Variants in C5orf46 observed in about 807,000 individuals in gnomAD.
C5orf46 encodes chromosome 5 open reading frame 46.
C5orf46 carries 9 observed loss-of-function variants against 8.9 expected under a neutral mutation model. That is an observed-to-expected ratio of 1.01 (90% CI 0.61 to 1.76). The LOEUF is 1.76. Ranked by LOEUF, C5orf46 falls within the 40% of genes most tolerant of loss-of-function variation. C5orf46 has a pLI of 0.00. For missense variants in C5orf46, 98 were observed against 107.8 expected, an observed-to-expected ratio of 0.91 and a Z score of 0.40; for synonymous variants, 47 against 41.4, an observed-to-expected ratio of 1.14 and a Z score of -0.52.
downstream of C5orf46, among the ~76,000 whole-genome samples, chr5:147,888,533 C>T (rs1422183948): frequency 1.3e-5 from 2 of 152,196 alleles, no homozygotes; most frequent in Admixed American, 1.3e-4. Context: ...AAATGCCATT[C>T]ACTCAACTAT....
At chr5:147,905,730 C>G (rs1375665629) in intron 1 of C5orf46, among the ~76,000 whole-genome samples, 1 of 152,148 alleles carries the variant, frequency 6.6e-6, no homozygotes, top group Non-Finnish European at 1.5e-5. Context: ...AATCTAGGAA[C>G]CTAGGTTTCA....
At position 147,903,007 on chromosome 5, in the gene C5orf46, A is replaced by T. The variant is rs115897446; in HGVS notation, c.71-1234T>A. Among the ~76,000 whole-genome samples, 545 of 152,256 alleles carry T rather than the reference A, an allele frequency of 3.6e-3. 4 individuals are homozygous for T. The highest frequency in any genetic ancestry group is 0.013 in the African/African-American group (528 of 41,540). On this transcript the variant is annotated intron_variant, in intron 1 of 3. Transcript: ENST00000318315. The stretch of plus-strand genomic sequence containing the variant: ...AGATGATAACTGCAGGCCTCTTAAC[A>T]CTAGATTCTTAAGGGCCCATTGGAA...
chr5:147,898,959 G>A (rs540121558), intron 2 of C5orf46, among the ~76,000 whole-genome samples: 1 of 152,050 alleles, frequency 6.6e-6, no homozygotes, highest in Non-Finnish European at 1.5e-5. Flanking sequence ...ACACCACTTA[G>A]GCATCAGACA....
chr5:147,885,970 C>T (rs1010472964), intron 2 of C5orf46: 1 of 152,056 alleles, frequency 6.6e-6, no homozygotes, highest in Non-Finnish European at 1.5e-5. Flanking sequence ...TTTTGGACAT[C>T]TTTGTAAAGA....
chr5:147,901,044 T>G (rs1223127569), intron 2 of C5orf46, among the ~76,000 whole-genome samples: 1 of 152,196 alleles, frequency 6.6e-6, no homozygotes, highest in Non-Finnish European at 1.5e-5. Context: ...ACACTCATGT[T>G]GAGAGGTTCT....
At chr5:147,889,868 G>C (rs989209156), downstream of C5orf46, among the ~76,000 whole-genome samples, 3 of 152,150 alleles carry the variant, frequency 2.0e-5, no homozygotes, top group African/African-American at 4.8e-5. Context: ...GCAGGACCAA[G>C]CATGGAAGGT....
downstream of C5orf46, among the ~76,000 whole-genome samples, chr5:147,890,096 C>T (rs887141725): frequency 2.0e-5 from 3 of 152,094 alleles, no homozygotes; most frequent in Non-Finnish European, 2.9e-5. Flanking sequence ...TCCGGATTTC[C>T]GAGGGAGCAT....
chr5:147,893,840 G>A (rs1757541138), intron 3 of C5orf46, among the ~76,000 whole-genome samples: 1 of 151,998 alleles, frequency 6.6e-6, no homozygotes, highest in African/African-American at 2.4e-5. Flanking sequence ...ATGGCATGAG[G>A]CACTATGCCC....
intron 2 of C5orf46, among the ~76,000 whole-genome samples, chr5:147,899,686 G>A (rs566311043): frequency 6.6e-6 from 1 of 152,226 alleles, no homozygotes; most frequent in East Asian, 1.9e-4. Context: ...ACTGTAACAA[G>A]GTAAAGTGAT....
At chr5:147,892,178 C>T (rs1028342191), downstream of C5orf46, among the ~76,000 whole-genome samples, 2 of 152,206 alleles carry the variant, frequency 1.3e-5, no homozygotes, top group Admixed American at 1.3e-4. Flanking sequence ...TCTAGCTCTG[C>T]TATGTCACAT....
In C5orf46 at chr5:147,906,474, C is replaced by T; in HGVS notation, c.28G>A (p.Val10Ile). The T allele has an allele frequency of 6.2e-7, 1 of 1,611,884 alleles. No homozygotes were observed. Among genetic ancestry groups the T allele is most frequent in the Non-Finnish European group, 8.5e-7 (1 of 1,178,750 alleles). MAVSVLRLT[V>I]VLGLLVLFLT... is the part of the protein sequence containing the mutation. ...AATAAGACAAGCAGTCCCAGGACAACTGTCAGGCGAAGTACTGAGACAGCC... is the reference window on the plus strand; with the variant it reads ...AATAAGACAAGCAGTCCCAGGACAATTGTCAGGCGAAGTACTGAGACAGCC... Residue 10 changes from valine (V) to isoleucine (I), a missense_variant, in exon 1 of 4, where the codon GTT (valine) becomes ATT (isoleucine). By Grantham distance (29) the Val-to-Ile change is conservative (BLOSUM62 3). Transcript: ENST00000318315.
At chr5:147,906,402 A>T in intron 1 of C5orf46, 30 bp downstream of exon 1, 1 of 1,514,538 alleles carries the variant, frequency 6.6e-7, no homozygotes, top group Non-Finnish European at 9.1e-7. Context: ...ACTACTGAAC[A>T]ATTCATGGGC....
At chr5:147,904,688 G>A (rs1003862071) in intron 1 of C5orf46, among the ~76,000 whole-genome samples, 2 of 152,220 alleles carry the variant, frequency 1.3e-5, no homozygotes, top group East Asian at 3.9e-4. Context: ...TGGATTGCAT[G>A]CTCTGGAGTT....
Position 147,903,402 on chromosome 5 carries a change from T to G in C5orf46, c.71-1629A>C, listed in dbSNP as rs146532903. ...TCAGAAATCCAAATCTAACTGTGTTTCTCGTAGTTTATCTAGCAACCTCAG... is the reference window on the plus strand; with the variant it reads ...TCAGAAATCCAAATCTAACTGTGTTGCTCGTAGTTTATCTAGCAACCTCAG... On this transcript the variant is annotated intron_variant, in intron 1 of 3. Transcript: ENST00000318315. Among the ~76,000 whole-genome samples the G allele has an allele frequency of 3.6e-3, 545 of 152,324 alleles. 4 individuals carry two copies. The highest frequency in any genetic ancestry group is 0.013 in the African/African-American group (528 of 41,572).
rs376049596 is a variant in C5orf46 at position 147,899,999 on chromosome 5, T to C, written c.215+1630A>G. Among the ~76,000 whole-genome samples, 59 of 152,296 alleles carry C rather than the reference T, an allele frequency of 3.9e-4. 1 individual carries two copies. In the East Asian group the frequency reaches 9.3e-3, roughly 24 times the overall value. Reference sequence around the variant, plus strand: ...TAGCATATCAGAGAGTCGACTCTTATGGTTAACACAGAGAAAAATGTCCTA... The same window carrying C: ...TAGCATATCAGAGAGTCGACTCTTACGGTTAACACAGAGAAAAATGTCCTA... On this transcript the variant is annotated intron_variant, in intron 2 of 3. Coordinates refer to ENST00000318315, the MANE Select transcript of C5orf46 (RefSeq NM_206966.3).
At chr5:147,904,178 T>C (rs1757715115) in intron 1 of C5orf46, among the ~76,000 whole-genome samples, 1 of 152,138 alleles carries the variant, frequency 6.6e-6, no homozygotes, top group Non-Finnish European at 1.5e-5. Context: ...GTTTTTATTG[T>C]GGGAAGGAGG....
At chr5:147,899,552 G>A (rs564807961) in intron 2 of C5orf46, among the ~76,000 whole-genome samples, 1 of 152,268 alleles carries the variant, frequency 6.6e-6, no homozygotes, top group East Asian at 1.9e-4. Flanking sequence ...ATTAATTCAA[G>A]TGCCTGACAC....
At chr5:147,892,041 C>T (rs1483130954), downstream of C5orf46, among the ~76,000 whole-genome samples, 4 of 152,210 alleles carry the variant, frequency 2.6e-5, no homozygotes, top group Middle Eastern at 3.2e-3. Flanking sequence ...CTTTTGAGAA[C>T]TCAGTAGAAG....
downstream of C5orf46, among the ~76,000 whole-genome samples, chr5:147,889,733 C>T (rs1561628246): frequency 6.6e-6 from 1 of 152,102 alleles, no homozygotes; most frequent in Non-Finnish European, 1.5e-5. Context: ...GACTTTTGTT[C>T]GAGTTTGGCT....
Sources: allele counts gnomAD v4.1 joint callset (sites outside exome capture counted in the v4.1 genomes callset), GRCh38; gene constraint gnomAD v4.1.1; transcripts MANE v1.5; gene names NCBI Gene and HGNC (gene_info 2026-07-23, HGNC 2026-07-21).